The following CAST variants were observed in gnomAD, a reference collection of about 807,000 sequenced individuals.
CAST encodes MIR583 host.
CAST carries 76 observed loss-of-function variants against 119.6 expected under a neutral mutation model. The ratio of observed to expected loss-of-function variants is 0.64; its 90% CI spans 0.53 to 0.77. The LOEUF is 0.77. Among genes scored for constraint, CAST ranks in the 30% least tolerant of loss-of-function variants. The probability of loss-of-function intolerance (pLI) is 0.00; values close to 1 mark genes in which losing one functional copy is unlikely to be tolerated. For missense variants in CAST, 953 were observed against 946.5 expected (o/e 1.01, Z -0.09); for synonymous variants, 319 against 331.6 (o/e 0.96, Z 0.41).
chr5:96,390,311 A>G, the CAST span: 1 of 152,222 alleles, frequency 6.6e-6, no homozygotes, highest in Non-Finnish European at 1.5e-5. Context: ...TTTGGGAAAC[A>G]CAATAAAAGA....
At chr5:96,292,828 G>A in the CAST span, among the ~76,000 whole-genome samples, 2 of 152,166 alleles carry the variant, frequency 1.3e-5, no homozygotes, top group Admixed American at 6.5e-5. Flanking sequence ...GATAGGGAGC[G>A]ACACTTAATT....
chr5:96,440,143 G>A, the CAST span, among the ~76,000 whole-genome samples: 1 of 149,442 alleles, frequency 6.7e-6, no homozygotes, highest in African/African-American at 2.5e-5. Context: ...CTGAGACAAA[G>A]TATGAATTTC....
At chr5:96,074,364 C>T in the CAST span, among the ~76,000 whole-genome samples, 4 of 152,124 alleles carry the variant, frequency 2.6e-5, no homozygotes, top group Admixed American at 2.0e-4. Context: ...GATGAGGTCA[C>T]GAGGGTTGGA....
the CAST span, among the ~76,000 whole-genome samples, chr5:96,242,919 A>G: frequency 6.6e-5 from 10 of 152,334 alleles, no homozygotes; most frequent in East Asian, 5.8e-4. Flanking sequence ...ATTCTTGCAT[A>G]TGCTGAAATC....
At chr5:96,373,804 G>T in the CAST span, among the ~76,000 whole-genome samples, 1 of 151,632 alleles carries the variant, frequency 6.6e-6, no homozygotes, top group Non-Finnish European at 1.5e-5. Flanking sequence ...GGACTACAGT[G>T]GCACAATCAC....
the CAST span, among the ~76,000 whole-genome samples, chr5:96,504,645 A>G: frequency 3.7e-3 from 566 of 152,202 alleles, 5 homozygotes; most frequent in African/African-American, 0.013. Context: ...TAACCATAAA[A>G]GTCACCCACT....
At chr5:96,310,819 C>G in the CAST span, among the ~76,000 whole-genome samples, 3 of 147,124 alleles carry the variant, frequency 2.0e-5, no homozygotes, top group African/African-American at 5.0e-5. Context: ...CTCTTTTTCT[C>G]TTGGTTAGTC....
At chr5:96,330,468 T>C in the CAST span, among the ~76,000 whole-genome samples, 4 of 152,184 alleles carry the variant, frequency 2.6e-5, no homozygotes, top group Admixed American at 1.3e-4. Flanking sequence ...AATGTATCAG[T>C]TGGGGATTTT....
Position 96,700,931 on chromosome 5 carries a change from AT to A in CAST, c.210+5039del, listed in dbSNP as rs879659605. On this transcript the variant is annotated intron_variant, in intron 3 of 31. Coordinates refer to ENST00000675179, the MANE Select transcript of CAST (RefSeq NM_001750.7). ...ACAGCAGAAGAATCTTGCGAAAAAA[AT>A]TTTTTTTTTTTTTTGAGACAGGGTC... 5.1e-3 allele frequency among the ~76,000 whole-genome samples: 737 copies of A among 144,590 alleles called. 2 individuals carry two copies. Among genetic ancestry groups the A allele is most frequent in the East Asian group, 0.013 (64 of 4,982 alleles). 94.9% of individuals were successfully genotyped at this position (144,590 alleles called of 152,430 possible).
chr5:96,243,309 A>AT, the CAST span, among the ~76,000 whole-genome samples: 827 of 145,640 alleles, frequency 5.7e-3, 5 homozygotes, highest in African/African-American at 0.015. Context: ...TCAATAGAGA[A>AT]TTTTTTTTTT....
chr5:96,078,158 G>A, the CAST span, among the ~76,000 whole-genome samples: 7 of 152,224 alleles, frequency 4.6e-5, no homozygotes, highest in East Asian at 9.7e-4. Context: ...TAATTCCATC[G>A]TGACAGCCCG....
chr5:96,393,270 G>C, the CAST span: 428,257 of 1,613,634 alleles, frequency 0.27, 57,709 homozygotes, highest in South Asian at 0.31. Context: ...AGCATGGCCT[G>C]GGAAGGGGCT....
the CAST span, among the ~76,000 whole-genome samples, chr5:96,077,225 A>C: frequency 2.0e-5 from 3 of 152,088 alleles, no homozygotes; most frequent in Non-Finnish European, 4.4e-5. Flanking sequence ...TTTATTATTC[A>C]GTTGAATTAC....
the CAST span, among the ~76,000 whole-genome samples, chr5:96,258,076 T>C: frequency 6.6e-6 from 1 of 152,128 alleles, no homozygotes; most frequent in Non-Finnish European, 1.5e-5. Context: ...CCTCATTTTT[T>C]TGAAAAAAAA....
chr5:96,253,411 G>A, the CAST span, among the ~76,000 whole-genome samples: 280 of 152,192 alleles, frequency 1.8e-3, 1 homozygote, highest in African/African-American at 6.5e-3. Flanking sequence ...GGACCCAGGC[G>A]TTGGTATTGT....
chr5:96,283,028 G>C, the CAST span, among the ~76,000 whole-genome samples: 1 of 150,102 alleles, frequency 6.7e-6, no homozygotes. Context: ...TACTCGGGAG[G>C]CTGAGGCAGG....
intron 1 of CAST, among the ~76,000 whole-genome samples, chr5:96,647,555 C>G (rs1016331431): frequency 5.3e-5 from 8 of 152,044 alleles, no homozygotes; most frequent in African/African-American, 1.9e-4. Context: ...TAACCCCATA[C>G]GACCTTATTT....
At chr5:96,516,095 CAG>C in the CAST span, among the ~76,000 whole-genome samples, 6 of 29,628 alleles carry the variant, frequency 2.0e-4, no homozygotes, top group Non-Finnish European at 5.0e-4. Context: ...GATTTTGCAT[CAG>C]AGTCACTAAG....
At chr5:96,573,130 A>C (rs1442725777) in intron 1 of CAST, among the ~76,000 whole-genome samples, 1 of 152,096 alleles carries the variant, frequency 6.6e-6, no homozygotes, top group African/African-American at 2.4e-5. Flanking sequence ...GTAGTTGTTT[A>C]CCTTTTATGG....
Sources: allele counts gnomAD v4.1 joint callset (sites outside exome capture counted in the v4.1 genomes callset), GRCh38; gene constraint gnomAD v4.1.1; transcripts MANE v1.5; gene names NCBI Gene and HGNC (gene_info 2026-07-23, HGNC 2026-07-21).